The following TAFA5 variants were observed in gnomAD, a reference collection of about 807,000 sequenced individuals.
The protein encoded by TAFA5 is chemokine-like protein TAFA-5.
In TAFA5, 6 loss-of-function variants were observed where a neutral mutation model predicts 15.3. That is an observed-to-expected ratio of 0.39 (90% CI 0.21 to 0.77). The LOEUF (loss-of-function observed/expected upper bound fraction) is 0.77, where lower values mean the gene tolerates loss of function less well. Among genes scored for constraint, TAFA5 ranks in the 30% least tolerant of loss-of-function variants. TAFA5 has a pLI of 0.41. For missense variants in TAFA5, 161 were observed against 193.1 expected, an observed-to-expected ratio of 0.83 and a Z score of 0.98; for synonymous variants, 103 against 80.7, an observed-to-expected ratio of 1.28 and a Z score of -1.48.
chr22:48,602,599 G>A (rs1410571408), intron 1 of TAFA5, among the ~76,000 whole-genome samples: 3 of 152,308 alleles, frequency 2.0e-5, no homozygotes, highest in Admixed American at 6.5e-5. Flanking sequence ...TTTCTGCGAC[G>A]TGGGCCCTGT....
intron 1 of TAFA5, among the ~76,000 whole-genome samples, chr22:48,573,681 C>G (rs1046593331): frequency 4.6e-5 from 7 of 152,214 alleles, no homozygotes; most frequent in African/African-American, 1.7e-4. Flanking sequence ...GTCCTCCTGT[C>G]CCACCTGTTG....
chr22:48,667,121 C>A (rs1342770438), intron 2 of TAFA5, among the ~76,000 whole-genome samples: 1 of 152,112 alleles, frequency 6.6e-6, no homozygotes, highest in African/African-American at 2.4e-5. Context: ...TCCCAGCATG[C>A]AGCAGGCCCG....
At chr22:48,594,774 A>G (rs77602393) in intron 1 of TAFA5, among the ~76,000 whole-genome samples, 2,523 of 152,344 alleles carry the variant, frequency 0.017, 66 homozygotes, top group African/African-American at 0.059. Flanking sequence ...ATAGCAGTGC[A>G]GACAGACGGA....
intron 1 of TAFA5, among the ~76,000 whole-genome samples, chr22:48,616,408 C>T (rs996709147): frequency 6.6e-6 from 1 of 152,194 alleles, no homozygotes; most frequent in Non-Finnish European, 1.5e-5. Context: ...AAGTGCACAT[C>T]GTGAGGCCTG....
chr22:48,601,237 C>G (rs28620960), intron 1 of TAFA5, among the ~76,000 whole-genome samples: 142,517 of 152,330 alleles, frequency 0.94, 66,790 homozygotes, highest in East Asian at 1. Flanking sequence ...TGGGGGTCTT[C>G]GATGTATCCC....
At chr22:48,653,243 A>G (rs1927118466) in intron 2 of TAFA5, among the ~76,000 whole-genome samples, 1 of 152,114 alleles carries the variant, frequency 6.6e-6, no homozygotes, top group African/African-American at 2.4e-5. Context: ...CTGGATCCAG[A>G]TGGGGTTGGA....
intron 1 of TAFA5, chr22:48,543,184 C>T (rs1248530206): frequency 6.6e-6 from 1 of 152,042 alleles, no homozygotes; most frequent in African/African-American, 2.4e-5. Context: ...TTTGTCTCCT[C>T]CAGCCCTGTT....
rs6010512 is a variant in TAFA5 at position 48,738,611 on chromosome 22, G to T, written c.391-11228G>T. 4.7e-3 allele frequency among the ~76,000 whole-genome samples: 721 copies of T among 152,048 alleles called. 7 individuals are homozygous for T. Among genetic ancestry groups the T allele is most frequent in the African/African-American group, 0.017 (699 of 41,324 alleles). On this transcript the variant is annotated intron_variant, in intron 3 of 3. Transcript: ENST00000402357. ...ACAGCCTCCTCACCTGAGACCATCT[G>T]CGCCAATAATCACATTATTAAGTGA...
At chr22:48,573,262 CCA>C (rs1923649544) in intron 1 of TAFA5, among the ~76,000 whole-genome samples, 1 of 152,336 alleles carries the variant, frequency 6.6e-6, no homozygotes, top group African/African-American at 2.4e-5. Flanking sequence ...TTGGTTCCCA[CCA>C]CAGTTTTTTC....
At chr22:48,609,269 C>T (rs374523866) in intron 1 of TAFA5, among the ~76,000 whole-genome samples, 9 of 152,208 alleles carry the variant, frequency 5.9e-5, no homozygotes, top group Non-Finnish European at 1.0e-4. Flanking sequence ...ATCAAAGACA[C>T]GTTGGGGCAA....
intron 1 of TAFA5, among the ~76,000 whole-genome samples, chr22:48,518,690 C>T (rs62223625): frequency 0.16 from 24,943 of 152,072 alleles, 2,023 homozygotes; most frequent in Non-Finnish European, 0.18. Flanking sequence ...AGACCCCTGA[C>T]GAGAACAGGG....
At chr22:48,740,836 AG>A (rs979380176) in intron 3 of TAFA5, among the ~76,000 whole-genome samples, 11 of 152,220 alleles carry the variant, frequency 7.2e-5, no homozygotes, top group African/African-American at 2.6e-4. Context: ...CCCTGTTCTC[AG>A]GGGAGCTCAG....
chr22:48,696,946 T>C (rs1009841910), intron 2 of TAFA5, among the ~76,000 whole-genome samples: 4 of 152,204 alleles, frequency 2.6e-5, no homozygotes, highest in Non-Finnish European at 5.9e-5. Context: ...AGACTCCTTA[T>C]TGGAGCCCCA....
chr22:48,653,006 G>A (rs188327091), intron 2 of TAFA5, among the ~76,000 whole-genome samples: 79 of 152,368 alleles, frequency 5.2e-4, no homozygotes, highest in Non-Finnish European at 8.7e-4. Flanking sequence ...GTGGGTGCTG[G>A]TGTGGCCCTC....
intron 1 of TAFA5, among the ~76,000 whole-genome samples, chr22:48,497,132 C>G (rs549383485): frequency 2.8e-4 from 43 of 152,340 alleles, no homozygotes; most frequent in African/African-American, 1.0e-3. Context: ...GGCTCCCCAG[C>G]AGTGGCCCAT....
At chr22:48,733,556 T>C (rs1929926056) in intron 3 of TAFA5, among the ~76,000 whole-genome samples, 1 of 152,260 alleles carries the variant, frequency 6.6e-6, no homozygotes, top group East Asian at 1.9e-4. Flanking sequence ...CCTTGTTACT[T>C]GCAGGTGAGG....
chr22:48,496,002 T>C (rs1354305140), intron 1 of TAFA5, among the ~76,000 whole-genome samples: 1 of 152,222 alleles, frequency 6.6e-6, no homozygotes, highest in African/African-American at 2.4e-5. Context: ...GGATTGGACA[T>C]AGGTGCTGTG....
At chr22:48,659,868 T>C (rs73891342) in intron 2 of TAFA5, among the ~76,000 whole-genome samples, 5,659 of 152,326 alleles carry the variant, frequency 0.037, 184 homozygotes, top group East Asian at 0.13. Flanking sequence ...TTGATGTGAT[T>C]TGAGATTTCA....
chr22:48,691,685 TGGACCCTAC>T (rs1928546416), intron 2 of TAFA5, among the ~76,000 whole-genome samples: 1 of 152,208 alleles, frequency 6.6e-6, no homozygotes, highest in Non-Finnish European at 1.5e-5. Context: ...TCCCCACCTG[TGGACCCTAC>T]GGGGCGCCTG....
Sources: allele counts gnomAD v4.1 joint callset (sites outside exome capture counted in the v4.1 genomes callset), GRCh38; gene constraint gnomAD v4.1.1; transcripts MANE v1.5; gene names NCBI Gene and HGNC (gene_info 2026-07-23, HGNC 2026-07-21).